The following ENTREP2 variants were observed in gnomAD, a reference collection of about 807,000 sequenced individuals.
The protein encoded by ENTREP2 is protein ENTREP2.
At chr15:29,448,890 T>G in the ENTREP2 span, among the ~76,000 whole-genome samples, 1 of 152,182 alleles carries the variant, frequency 6.6e-6, no homozygotes, top group South Asian at 2.1e-4. Context: ...AATCTGGGTC[T>G]TGGAGCCCCT....
chr15:29,254,061 C>G, the ENTREP2 span, among the ~76,000 whole-genome samples: 1 of 143,036 alleles, frequency 7.0e-6, no homozygotes. Context: ...AATAATTAGG[C>G]CAAATCTAAT....
At chr15:29,461,650 C>T in the ENTREP2 span, among the ~76,000 whole-genome samples, 14 of 152,030 alleles carry the variant, frequency 9.2e-5, no homozygotes, top group Admixed American at 4.6e-4. Flanking sequence ...AATTTTTGTA[C>T]TTTTGGTAGA....
At chr15:29,673,027 T>A in the ENTREP2 span, among the ~76,000 whole-genome samples, 1,008 of 152,180 alleles carry the variant, frequency 6.6e-3, 6 homozygotes, top group South Asian at 0.023. Context: ...GGGAAGGCAA[T>A]TCCAGGAACT....
At chr15:29,569,165 C>G in the ENTREP2 span, among the ~76,000 whole-genome samples, 693 of 152,292 alleles carry the variant, frequency 4.6e-3, 4 homozygotes, top group African/African-American at 0.016. Context: ...TGCCTCCAAC[C>G]TCCTCTCTTT....
At chr15:29,334,116 C>A in the ENTREP2 span, among the ~76,000 whole-genome samples, 1 of 152,190 alleles carries the variant, frequency 6.6e-6, no homozygotes, top group Non-Finnish European at 1.5e-5. Context: ...TTGCTTAAGC[C>A]ACCTTGTCTA....
chr15:29,120,188 C>T, the ENTREP2 span: 4 of 152,380 alleles, frequency 2.6e-5, no homozygotes, highest in Non-Finnish European at 4.4e-5. Context: ...GACCCTGCCC[C>T]TGGCCACTGG....
At chr15:29,569,519 T>C in the ENTREP2 span, 5 of 152,246 alleles carry the variant, frequency 3.3e-5, no homozygotes, top group Admixed American at 6.5e-5. Context: ...TACAAGCCTA[T>C]GCGATGTATT....
chr15:29,136,422 G>C, the ENTREP2 span: 1 of 1,541,670 alleles, frequency 6.5e-7, no homozygotes, highest in African/African-American at 1.4e-5. Context: ...AGCTCAGCAG[G>C]ATAGAGCAGG....
the ENTREP2 span, among the ~76,000 whole-genome samples, chr15:29,590,699 A>G: frequency 0.022 from 3,239 of 148,526 alleles, 117 homozygotes; most frequent in African/African-American, 0.078. Flanking sequence ...AAAAAAAAAA[A>G]AAAAAGAAAA....
the ENTREP2 span, among the ~76,000 whole-genome samples, chr15:29,289,887 G>A: frequency 7.9e-5 from 12 of 152,062 alleles, no homozygotes; most frequent in Admixed American, 7.9e-4. Context: ...GTTCACAGCA[G>A]CATTATTTGT....
the ENTREP2 span, among the ~76,000 whole-genome samples, chr15:29,126,833 A>AT: frequency 6.6e-6 from 1 of 152,178 alleles, no homozygotes; most frequent in Non-Finnish European, 1.5e-5. Flanking sequence ...ACATCAAGGC[A>AT]TCCCCACCAG....
the ENTREP2 span, among the ~76,000 whole-genome samples, chr15:29,453,149 C>T: frequency 6.6e-6 from 1 of 152,224 alleles, no homozygotes; most frequent in African/African-American, 2.4e-5. Context: ...CAATGCCACA[C>T]CACAGTCACC....
chr15:29,445,444 C>A, the ENTREP2 span, among the ~76,000 whole-genome samples: 2 of 152,098 alleles, frequency 1.3e-5, no homozygotes, highest in African/African-American at 4.8e-5. Flanking sequence ...GGAAGAGGGG[C>A]CAAAGGTTGA....
chr15:29,444,206 G>GAAAGAAAGA, the ENTREP2 span, among the ~76,000 whole-genome samples: 156 of 144,652 alleles, frequency 1.1e-3, 2 homozygotes, highest in African/African-American at 4.1e-3. Context: ...AAGAAAGAAA[G>GAAAGAAAGA]AAAGAAAGAA....
the ENTREP2 span, among the ~76,000 whole-genome samples, chr15:29,619,237 A>G: frequency 1.3e-5 from 2 of 152,074 alleles, no homozygotes; most frequent in Non-Finnish European, 2.9e-5. Context: ...CTAAAAATAC[A>G]AAAAATTGGC....
the ENTREP2 span, among the ~76,000 whole-genome samples, chr15:29,618,454 G>A: frequency 6.6e-6 from 1 of 151,198 alleles, no homozygotes; most frequent in African/African-American, 2.4e-5. Flanking sequence ...TTTCACAGAT[G>A]ATCCAGGAAA....
chr15:29,330,346 G>A, the ENTREP2 span, among the ~76,000 whole-genome samples: 4 of 152,042 alleles, frequency 2.6e-5, no homozygotes, highest in East Asian at 7.7e-4. Context: ...CTACTCAGGA[G>A]GCTGAGGCAG....
the ENTREP2 span, among the ~76,000 whole-genome samples, chr15:29,324,775 C>T: frequency 1.3e-5 from 2 of 152,086 alleles, no homozygotes; most frequent in Non-Finnish European, 2.9e-5. Context: ...ACTGACAGAA[C>T]TGAAAGGAAA....
chr15:29,594,523 G>A, the ENTREP2 span, among the ~76,000 whole-genome samples: 3 of 152,200 alleles, frequency 2.0e-5, no homozygotes, highest in East Asian at 1.9e-4. Context: ...TATAAGAATC[G>A]ATGTTTTCGT....
Sources: gnomAD v4.1 joint callset for allele counts (sites outside exome capture counted in the v4.1 genomes callset) on GRCh38, gnomAD v4.1.1 for gene constraint, MANE v1.5 for transcripts, NCBI Gene and HGNC (gene_info 2026-07-23, HGNC 2026-07-21) for gene names.